The following SORCS2 variants were observed in gnomAD, a reference collection of about 807,000 sequenced individuals.
SORCS2 encodes the protein sortilin related VPS10 domain containing receptor 2, also known as VPS10 domain-containing receptor SorCS2.
SORCS2 carries 100 observed loss-of-function variants against 141.6 expected under a neutral mutation model. That is an observed-to-expected ratio of 0.71 (90% CI 0.60 to 0.83). SORCS2 has a LOEUF of 0.83. Among genes scored for constraint, SORCS2 ranks in the 40% least tolerant of loss-of-function variants. The pLI, the probability that SORCS2 is intolerant of heterozygous loss-of-function variation, is 0.00. For synonymous variants in SORCS2, 789 were observed against 676.9 expected (o/e 1.17, Z -2.57); for missense variants, 1,646 against 1,560.2 (o/e 1.05, Z -0.93).
At chr4:7,441,663 A>G (rs1247822885) in intron 2 of SORCS2, among the ~76,000 whole-genome samples, 1 of 127,844 alleles carries the variant, frequency 7.8e-6, no homozygotes, top group African/African-American at 3.0e-5. Flanking sequence ...CCCCTAGCCC[A>G]GATCACCCTC....
intron 2 of SORCS2, among the ~76,000 whole-genome samples, chr4:7,496,943 A>G (rs1731668302): frequency 6.6e-6 from 1 of 152,228 alleles, no homozygotes. Flanking sequence ...GCAGAGGTTT[A>G]GCCTTCTGTG....
intron 2 of SORCS2, among the ~76,000 whole-genome samples, chr4:7,456,944 C>T (rs553578712): frequency 7.2e-5 from 11 of 152,070 alleles, no homozygotes; most frequent in Non-Finnish European, 7.4e-5. Flanking sequence ...GTTGGGTGCA[C>T]GCAGCCACCT....
chr4:7,691,408 G>T (rs1344084607), intron 11 of SORCS2, among the ~76,000 whole-genome samples: 4 of 152,194 alleles, frequency 2.6e-5, no homozygotes, highest in Non-Finnish European at 5.9e-5. Context: ...AGACCAGAGT[G>T]CAGGGAGTGG....
At chr4:7,735,201 G>A (rs998092318) in intron 25 of SORCS2, among the ~76,000 whole-genome samples, 5 of 152,144 alleles carry the variant, frequency 3.3e-5, no homozygotes, top group Non-Finnish European at 5.9e-5. Context: ...GTTCAGCTCC[G>A]GGGGCCCCAG....
rs1421489650 is a variant in SORCS2 at position 7,285,034 on chromosome 4, A to AT, written c.480+91909dup. On this transcript the variant is annotated intron_variant, in intron 1 of 26. Coordinates refer to ENST00000507866, the MANE Select transcript of SORCS2 (RefSeq NM_020777.3). ...CTGGGACCATCCCATATATATATAT[A>AT]TATTTTTTTTTTTTTGAGATGGAGT... is the stretch of plus-strand genomic sequence containing the variant. Among the ~76,000 whole-genome samples, 307 of 79,996 alleles carry AT rather than the reference A, an allele frequency of 3.8e-3. 1 individual carries two copies. The highest frequency in any genetic ancestry group is 0.011 in the African/African-American group (289 of 25,174). 52.5% of individuals were successfully genotyped at this position (79,996 alleles called of 152,430 possible). A position where few individuals can be genotyped will look rare whatever the true frequency, so the allele number is the denominator to read the frequency against.
intron 8 of SORCS2, among the ~76,000 whole-genome samples, chr4:7,673,300 A>G (rs554359061): frequency 1.3e-5 from 2 of 152,336 alleles, no homozygotes; most frequent in East Asian, 1.9e-4. Flanking sequence ...GCGATGTGGC[A>G]ATTTCCCTTC....
intron 1 of SORCS2, among the ~76,000 whole-genome samples, chr4:7,220,623 T>G (rs12648511): frequency 0.25 from 38,292 of 151,790 alleles, 5,133 homozygotes; most frequent in East Asian, 0.45. Context: ...TCAGAGGGAG[T>G]GGGGACAGTT....
chr4:7,687,187 G>A (rs77681815), intron 10 of SORCS2, among the ~76,000 whole-genome samples: 2,111 of 152,290 alleles, frequency 0.014, 21 homozygotes, highest in Middle Eastern at 0.048. Flanking sequence ...GAGCCAGGGC[G>A]TCCTCTGCCG....
intron 1 of SORCS2, among the ~76,000 whole-genome samples, chr4:7,380,824 G>A (rs974569121): frequency 8.5e-5 from 13 of 152,182 alleles, no homozygotes; most frequent in African/African-American, 2.9e-4. Context: ...GGTGGCTCAC[G>A]CCTGTAATCC....
In SORCS2 at chr4:7,259,567, C is replaced by T. The variant is rs370951267; in HGVS notation, c.480+66441C>T. 1.6e-4 allele frequency among the ~76,000 whole-genome samples: 25 copies of T among 152,340 alleles called. No individual in the cohort carries two copies. The East Asian group carries it at 2.1e-3, about 13-fold the overall frequency. Reference sequence around the variant, plus strand: ...CCCAGGGGTGGCCCTTGGTGTGGCCCCTCCCAGGAGCCCTCTTGCTCCTCA... The same window carrying T: ...CCCAGGGGTGGCCCTTGGTGTGGCCTCTCCCAGGAGCCCTCTTGCTCCTCA... On this transcript the variant is annotated intron_variant, in intron 1 of 26. Coordinates refer to ENST00000507866, the MANE Select transcript of SORCS2 (RefSeq NM_020777.3).
At chr4:7,515,059 G>A (rs1732888658) in intron 2 of SORCS2, among the ~76,000 whole-genome samples, 1 of 152,194 alleles carries the variant, frequency 6.6e-6, no homozygotes, top group Admixed American at 6.5e-5. Context: ...GCTGCCAGAG[G>A]CCTTCTGCTT....
At chr4:7,705,131 G>A (rs891528148) in intron 14 of SORCS2, among the ~76,000 whole-genome samples, 8 of 152,344 alleles carry the variant, frequency 5.3e-5, no homozygotes, top group Middle Eastern at 3.4e-3. Context: ...TCCAATGACT[G>A]TGTCCTTACA....
intron 3 of SORCS2, among the ~76,000 whole-genome samples, chr4:7,601,693 G>A (rs1717692935): frequency 7.6e-6 from 1 of 132,010 alleles, no homozygotes; most frequent in African/African-American, 3.0e-5. Flanking sequence ...AGTATTTATT[G>A]ATCATTCTTG....
At chr4:7,446,676 A>G (rs970452018) in intron 2 of SORCS2, among the ~76,000 whole-genome samples, 4 of 152,104 alleles carry the variant, frequency 2.6e-5, no homozygotes, top group Non-Finnish European at 5.9e-5. Context: ...TGCAGGGGCC[A>G]TGCTTCCTTT....
chr4:7,691,934 G>A (rs561993270), intron 11 of SORCS2, among the ~76,000 whole-genome samples: 20 of 151,890 alleles, frequency 1.3e-4, no homozygotes, highest in Admixed American at 3.9e-4. Context: ...GCAAAGCACC[G>A]AGAGCAGCCC....
chr4:7,518,612 C>G (rs757120422), intron 2 of SORCS2, among the ~76,000 whole-genome samples: 2 of 152,158 alleles, frequency 1.3e-5, no homozygotes, highest in Non-Finnish European at 2.9e-5. Context: ...CTGGGGACAA[C>G]GTGGGGCCAG....
chr4:7,718,090 C>T lies in SORCS2; in HGVS notation c.2331C>T (p.Leu777=), dbSNP rs1726317443. The T allele has an allele frequency of 1.2e-6, 2 of 1,611,742 alleles. No homozygotes were observed. Among genetic ancestry groups the T allele is most frequent in the African/African-American group, 1.3e-5 (1 of 74,884 alleles). Residue 777 remains leucine (L), a synonymous_variant, in exon 18 of 27, where the codon CTC becomes CTT. Coordinates refer to ENST00000507866, the MANE Select transcript of SORCS2 (RefSeq NM_020777.3). ...GTCAGGTGCAGCTGCAGTGCCCCCTCACGCCGCCCCGGGGCCTGCAGGTCA... is the reference window on the plus strand; with the variant it reads ...GTCAGGTGCAGCTGCAGTGCCCCCTTACGCCGCCCCGGGGCCTGCAGGTCA... ...QQSQVQLQCP[L]TPPRGLQVSI...
intron 1 of SORCS2, among the ~76,000 whole-genome samples, chr4:7,321,249 C>T (rs1489581662): frequency 1.3e-5 from 2 of 152,148 alleles, no homozygotes; most frequent in Non-Finnish European, 2.9e-5. Flanking sequence ...CAGGCTCCAT[C>T]CAAGTTGCTG....
At chr4:7,636,150 C>T (rs1464636404) in intron 3 of SORCS2, among the ~76,000 whole-genome samples, 6 of 152,044 alleles carry the variant, frequency 3.9e-5, no homozygotes, top group Non-Finnish European at 8.8e-5. Context: ...GCTTAAATGC[C>T]CCATTCTGCG....
Sources: allele counts gnomAD v4.1 joint callset (sites outside exome capture counted in the v4.1 genomes callset), GRCh38; gene constraint gnomAD v4.1.1; transcripts MANE v1.5; gene names NCBI Gene and HGNC (gene_info 2026-07-23, HGNC 2026-07-21).